The following NUDT7 variants were observed in gnomAD, a reference collection of about 807,000 sequenced individuals.
The protein encoded by NUDT7 is peroxisomal coenzyme A diphosphatase NUDT7.
A neutral mutation model predicts 13.1 loss-of-function variants in NUDT7; 19 were observed. That is an observed-to-expected ratio of 1.45 (90% confidence interval 1.01 to 2.13). The LOEUF (loss-of-function observed/expected upper bound fraction) is 2.13, where lower values mean the gene tolerates loss of function less well. NUDT7 is among the 30% of genes most tolerant of loss of function. NUDT7 has a pLI of 0.00. For missense variants in NUDT7, 360 were observed against 291.7 expected, an observed-to-expected ratio of 1.23 and a Z score of -1.71; for synonymous variants, 132 against 109.7, an observed-to-expected ratio of 1.20 and a Z score of -1.27.
chr16:77,728,653 G>C (rs991051320), intron 2 of NUDT7, among the ~76,000 whole-genome samples: 2 of 152,206 alleles, frequency 1.3e-5, no homozygotes, highest in African/African-American at 4.8e-5. Flanking sequence ...AAAACGCCCA[G>C]CACGGCTGCT....
chr16:77,741,079 G>A (rs947696497), intron 3 of NUDT7, among the ~76,000 whole-genome samples: 3 of 152,066 alleles, frequency 2.0e-5, no homozygotes, highest in African/African-American at 4.8e-5. Flanking sequence ...TCTTTACTGA[G>A]AAGGAAAGAT....
At chr16:77,736,715 C>G (rs1296596749) in intron 3 of NUDT7, 1 of 272,592 alleles carries the variant, frequency 3.7e-6, no homozygotes, top group Admixed American at 3.6e-5. Context: ...ATCCTCCCAC[C>G]TCAGCCTCCC....
chr16:77,734,577 C>G (rs1234638643), intron 2 of NUDT7, among the ~76,000 whole-genome samples: 1 of 152,040 alleles, frequency 6.6e-6, no homozygotes, highest in African/African-American at 2.4e-5. Context: ...GAGCCGAGTT[C>G]GCACACTGCA....
At chr16:77,724,208 G>A (rs754923706) in intron 1 of NUDT7, among the ~76,000 whole-genome samples, 1 of 152,002 alleles carries the variant, frequency 6.6e-6, no homozygotes, top group African/African-American at 2.4e-5. Context: ...AACCTCTGCC[G>A]CCATCTTCAC....
At chr16:77,736,281 G>A (rs916541683) in intron 3 of NUDT7, 1 of 266,060 alleles carries the variant, frequency 3.8e-6, no homozygotes, top group Non-Finnish European at 7.2e-6. Flanking sequence ...TTAACATTCA[G>A]TTCACATTTA....
At position 77,729,553 on chromosome 16, in the gene NUDT7, G is replaced by C. The variant is rs538443267; in HGVS notation, c.189+3969G>C. ...TTCTTTAAAAAAAAATTTAGGCCAG[G>C]CATGGCTCACACCTGTAATCCCAGC... On this transcript the variant is annotated intron_variant, in intron 2 of 3. Coordinates refer to ENST00000268533, the MANE Select transcript of NUDT7 (RefSeq NM_001105663.3). Among the ~76,000 whole-genome samples the C allele has an allele frequency of 7.9e-5, 12 of 152,064 alleles. No individual in the cohort carries two copies. In the South Asian group the frequency reaches 1.7e-3, roughly 21 times the overall value.
At chr16:77,726,533 AAG>A (rs1235409125) in intron 2 of NUDT7, among the ~76,000 whole-genome samples, 2 of 152,186 alleles carry the variant, frequency 1.3e-5, no homozygotes, top group Non-Finnish European at 2.9e-5. Flanking sequence ...ATGGTGGCTC[AAG>A]CATGTAATCC....
At chr16:77,740,098 G>A (rs990139273) in intron 3 of NUDT7, among the ~76,000 whole-genome samples, 3 of 152,078 alleles carry the variant, frequency 2.0e-5, no homozygotes, top group South Asian at 2.1e-4. Context: ...CCAATGCCAG[G>A]TGTGGTGTTA....
chr16:77,730,603 T>A (rs1242138460), intron 2 of NUDT7, among the ~76,000 whole-genome samples: 1 of 152,222 alleles, frequency 6.6e-6, no homozygotes, highest in Non-Finnish European at 1.5e-5. Context: ...ATATACTGAT[T>A]TCATTTCCTT....
Position 77,742,017 on chromosome 16 carries a change from A to C in NUDT7, c.*67A>C. Reference sequence around the variant, plus strand: ...GTGTGTGCTTATTCGTAGAACAACAACAATGCCAGCTGTTGGAATTTGACA... The same window carrying C: ...GTGTGTGCTTATTCGTAGAACAACACCAATGCCAGCTGTTGGAATTTGACA... On this transcript the variant is annotated 3_prime_UTR_variant, in exon 4 of 4. Coordinates refer to ENST00000268533, the MANE Select transcript of NUDT7 (RefSeq NM_001105663.3). The C allele has an allele frequency of 6.7e-7, 1 of 1,502,420 alleles. No individual in the cohort carries two copies. The highest frequency in any genetic ancestry group is 1.4e-5 in the South Asian group (1 of 73,004). 93.1% of individuals were successfully genotyped at this position (1,502,420 alleles called of 1,614,324 possible).
chr16:77,736,951 A>G (rs774642171), intron 3 of NUDT7, among the ~76,000 whole-genome samples: 1 of 152,200 alleles, frequency 6.6e-6, no homozygotes, highest in Non-Finnish European at 1.5e-5. Context: ...AAAGTCGTGA[A>G]GGTAGTACAG....
At chr16:77,728,206 A>G (rs1597112225) in intron 2 of NUDT7, among the ~76,000 whole-genome samples, 1 of 152,074 alleles carries the variant, frequency 6.6e-6, no homozygotes, top group Non-Finnish European at 1.5e-5. Context: ...CAAATGTGCA[A>G]TCTCCCACTA....
intron 2 of NUDT7, among the ~76,000 whole-genome samples, chr16:77,730,253 A>G (rs1364259338): frequency 1.3e-5 from 2 of 152,096 alleles, no homozygotes; most frequent in Admixed American, 6.6e-5. Flanking sequence ...GAAACTTTTT[A>G]TCTTTTGACC....
intron 2 of NUDT7, among the ~76,000 whole-genome samples, chr16:77,729,766 A>G (rs763810781): frequency 2.0e-5 from 3 of 152,304 alleles, no homozygotes; most frequent in Non-Finnish European, 4.4e-5. Context: ...CAGAGGTTGC[A>G]GTGAACCGAG....
At chr16:77,722,726 G>A in intron 1 of NUDT7, 109 bp downstream of exon 1, 1 of 1,030,690 alleles carries the variant, frequency 9.7e-7, no homozygotes, top group Non-Finnish European at 1.5e-6. Context: ...GCTCCCGCCA[G>A]TCCACCTGCG....
intron 3 of NUDT7, among the ~76,000 whole-genome samples, chr16:77,738,340 C>G (rs868415331): frequency 9.2e-5 from 14 of 152,208 alleles, no homozygotes; most frequent in Middle Eastern, 6.8e-3. Flanking sequence ...TCCTGGGGGC[C>G]AGATACTCCT....
chr16:77,726,752 G>A (rs1183513649), intron 2 of NUDT7, among the ~76,000 whole-genome samples: 1 of 152,120 alleles, frequency 6.6e-6, no homozygotes, highest in Non-Finnish European at 1.5e-5. Context: ...AGCCGAGATT[G>A]TGCCACTGCG....
At chr16:77,740,514 A>G (rs1028850045) in intron 3 of NUDT7, among the ~76,000 whole-genome samples, 12 of 151,868 alleles carry the variant, frequency 7.9e-5, no homozygotes, top group African/African-American at 2.9e-4. Context: ...ATTTGACAAC[A>G]CTCATGTTCA....
In NUDT7 at chr16:77,722,536, C is replaced by A. The variant is rs114814225; in HGVS notation, c.-47C>A. The A allele has an allele frequency of 8.4e-6, 13 of 1,548,268 alleles. No homozygotes were observed. Among genetic ancestry groups the A allele is most frequent in the Middle Eastern group, 1.8e-4 (1 of 5,676 alleles). ...GCTGCTCTGCGCAAGCGCGACCGAC[C>A]GAGCAGCTCCGAGGAGTCCGCCCGG... On this transcript the variant is annotated 5_prime_UTR_variant, in exon 1 of 4. Transcript: ENST00000268533.
Sources: allele counts gnomAD v4.1 joint callset (sites outside exome capture counted in the v4.1 genomes callset), GRCh38; gene constraint gnomAD v4.1.1; transcripts MANE v1.5; gene names NCBI Gene and HGNC (gene_info 2026-07-23, HGNC 2026-07-21).